DNER: variants seen among roughly 807,000 people sequenced by gnomAD.
DNER encodes the protein delta/notch like EGF repeat containing.
In DNER, 33 loss-of-function variants were observed where a neutral mutation model predicts 78.2. The observed-to-expected ratio is 0.42, with a 90% CI of 0.32 to 0.56. DNER has a LOEUF of 0.56. DNER is among the 20% of genes least tolerant of loss of function. The probability of loss-of-function intolerance (pLI) is 0.11; values close to 1 mark genes in which losing one functional copy is unlikely to be tolerated. For synonymous variants in DNER, 417 were observed against 384.8 expected (o/e 1.08, Z -0.98); for missense variants, 918 against 975.3 (o/e 0.94, Z 0.78).
rs115225861 is a variant in DNER at position 229,418,286 on chromosome 2, G to A, written c.1487-56C>T. The A allele has an allele frequency of 3.9e-3, 6,213 of 1,608,876 alleles. 21 individuals are homozygous for A. The highest frequency in any genetic ancestry group is 7.2e-3 in the African/African-American group (537 of 74,970). On this transcript the variant is annotated intron_variant, in intron 8 of 12. Coordinates refer to ENST00000341772, the MANE Select transcript of DNER (RefSeq NM_139072.4). The stretch of plus-strand genomic sequence containing the variant: ...AATGCATCCCATTTACAACCCACGC[G>A]GGACCAGCCTGCAAGGAAGGCAGTT...
intron 1 of DNER, among the ~76,000 whole-genome samples, chr2:229,698,564 A>G (rs1208918640): frequency 6.6e-6 from 1 of 152,190 alleles, no homozygotes; most frequent in African/African-American, 2.4e-5. Flanking sequence ...GATTTTTAAA[A>G]AGGTGTCAGC....
intron 10 of DNER, among the ~76,000 whole-genome samples, chr2:229,398,835 A>G (rs978262130): frequency 6.6e-6 from 1 of 152,108 alleles, no homozygotes; most frequent in African/African-American, 2.4e-5. Flanking sequence ...AAAGAAAAAA[A>G]TCACATGATC....
chr2:229,427,060 A>G (rs1386640816), intron 8 of DNER, among the ~76,000 whole-genome samples: 1 of 152,244 alleles, frequency 6.6e-6, no homozygotes, highest in Admixed American at 6.5e-5. Context: ...ATCAGTCAAT[A>G]TTTTCACTTG....
intron 1 of DNER, among the ~76,000 whole-genome samples, chr2:229,686,208 A>G (rs1279036290): frequency 6.6e-6 from 1 of 152,130 alleles, no homozygotes; most frequent in Admixed American, 6.6e-5. Context: ...TGCACTCCCC[A>G]CAGAATGGAG....
chr2:229,410,029 G>T (rs531925027), intron 9 of DNER, among the ~76,000 whole-genome samples: 3 of 152,054 alleles, frequency 2.0e-5, no homozygotes, highest in South Asian at 4.2e-4. Flanking sequence ...CCCTCTTCCT[G>T]CCCTCCTCAC....
chr2:229,673,327 C>T (rs757120356), intron 1 of DNER, among the ~76,000 whole-genome samples: 7 of 151,848 alleles, frequency 4.6e-5, no homozygotes, highest in Non-Finnish European at 1.0e-4. Context: ...TCCACTACAG[C>T]TCATCCTGAC....
chr2:229,584,072 T>G (rs1250965449), intron 4 of DNER, among the ~76,000 whole-genome samples: 26 of 152,320 alleles, frequency 1.7e-4, no homozygotes, highest in Non-Finnish European at 4.4e-5. Flanking sequence ...TCCCTTTATC[T>G]TCATTATGAT....
At chr2:229,366,813 C>G in intron 12 of DNER, 60 bp downstream of exon 12, 1 of 1,604,032 alleles carries the variant, frequency 6.2e-7, no homozygotes, top group Non-Finnish European at 8.5e-7. Flanking sequence ...TATAATATGA[C>G]CCTGTTCCCA....
intron 4 of DNER, among the ~76,000 whole-genome samples, chr2:229,577,139 G>A (rs1236520788): frequency 2.6e-5 from 4 of 152,176 alleles, no homozygotes; most frequent in Non-Finnish European, 5.9e-5. Flanking sequence ...TGCATTTAGA[G>A]GAGAATATTC....
At position 229,477,193 on chromosome 2, in the gene DNER, T is replaced by C. The variant is rs770389952; in HGVS notation, c.1208A>G (p.Asn403Ser). ...GAGACTGGAAATGCATGTTGCTCCA[T>C]TTCTGCATGGGTCTAGGATGCAGTA... is the stretch of plus-strand genomic sequence containing the variant. ...IDYCILDPCR[N>S]GATCISSLSG... Residue 403 changes from asparagine (N) to serine (S), a missense_variant, in exon 7 of 13, where the codon AAT (asparagine) becomes AGT (serine). Asn to Ser is a conservative substitution (Grantham distance 46, BLOSUM62 1). Transcript: ENST00000341772. The C allele has an allele frequency of 1.5e-5, 24 of 1,613,980 alleles. No individual in the cohort carries two copies. Among genetic ancestry groups the C allele is most frequent in the Non-Finnish European group, 3.4e-6 (4 of 1,179,976 alleles).
Position 229,631,184 on chromosome 2 carries a change from CCA to C in DNER, c.277-39298_277-39297del, listed in dbSNP as rs1698428283. Reference sequence around the variant, plus strand: ...GGGCTTGCTGAGTCAAATGGTAGTTCCACTTTTAGGGAAAGCACCTTATTTTA... The same window carrying C: ...GGGCTTGCTGAGTCAAATGGTAGTTCCTTTTAGGGAAAGCACCTTATTTTA... On this transcript the variant is annotated intron_variant, in intron 1 of 12. Coordinates refer to ENST00000341772, the MANE Select transcript of DNER (RefSeq NM_139072.4). Among the ~76,000 whole-genome samples, 3 of 152,102 alleles carry C rather than the reference CCA, an allele frequency of 2.0e-5. No individual in the cohort carries two copies. The South Asian group carries it at 6.2e-4, about 32-fold the overall frequency.
chr2:229,458,135 C>CA lies in DNER; in HGVS notation c.1262-10596dup, dbSNP rs61340733. Among the ~76,000 whole-genome samples the CA allele has an allele frequency of 7.2e-3, 128 of 17,704 alleles. 27 individuals carry two copies. Among genetic ancestry groups the CA allele is most frequent in the African/African-American group, 0.016 (75 of 4,662 alleles). 11.6% of individuals were successfully genotyped at this position (17,704 alleles called of 152,430 possible). ...TGGGTCACAGAGCAAGACTCTATCTCAAAAAAAAAAAAAAAAAAAAAAAAA... is the reference window on the plus strand; with the variant it reads ...TGGGTCACAGAGCAAGACTCTATCTCAAAAAAAAAAAAAAAAAAAAAAAAAA... On this transcript the variant is annotated intron_variant, in intron 7 of 12. Transcript: ENST00000341772.
At chr2:229,583,047 C>T (rs533115446) in intron 4 of DNER, among the ~76,000 whole-genome samples, 10 of 152,158 alleles carry the variant, frequency 6.6e-5, no homozygotes, top group South Asian at 6.2e-4. Context: ...AAAATATGTA[C>T]GAGTTCACAA....
At chr2:229,618,746 C>G (rs1698207245) in intron 1 of DNER, among the ~76,000 whole-genome samples, 1 of 152,298 alleles carries the variant, frequency 6.6e-6, no homozygotes, top group Admixed American at 6.5e-5. Flanking sequence ...TATGCCAATT[C>G]AGTAACTGTT....
chr2:229,589,635 T>C (rs1339926112), intron 2 of DNER, among the ~76,000 whole-genome samples: 1 of 152,240 alleles, frequency 6.6e-6, no homozygotes, highest in Non-Finnish European at 1.5e-5. Context: ...TTTTCTTTTT[T>C]ACACTTACCA....
At chr2:229,451,374 T>G (rs1251864227) in intron 7 of DNER, among the ~76,000 whole-genome samples, 1 of 152,166 alleles carries the variant, frequency 6.6e-6, no homozygotes, top group Non-Finnish European at 1.5e-5. Flanking sequence ...GGAGAATCGC[T>G]TGAACCCAGG....
chr2:229,559,694 T>C (rs1243699237), intron 4 of DNER, among the ~76,000 whole-genome samples: 1 of 152,184 alleles, frequency 6.6e-6, no homozygotes, highest in Non-Finnish European at 1.5e-5. Flanking sequence ...CTCACTTCTA[T>C]TTGCTACACA....
chr2:229,656,988 G>GTGTGTGTA (rs959099898), intron 1 of DNER, among the ~76,000 whole-genome samples: 5 of 142,622 alleles, frequency 3.5e-5, no homozygotes, highest in Non-Finnish European at 7.4e-5. Flanking sequence ...GTTACCACGT[G>GTGTGTGTA]TGTGTGTGTG....
intron 1 of DNER, among the ~76,000 whole-genome samples, chr2:229,669,501 G>A (rs995385558): frequency 1.3e-5 from 2 of 151,924 alleles, no homozygotes; most frequent in African/African-American, 2.4e-5. Context: ...AAGTTACTTT[G>A]GGCATACGGC....
Sources: allele counts gnomAD v4.1 joint callset (sites outside exome capture counted in the v4.1 genomes callset), GRCh38; gene constraint gnomAD v4.1.1; transcripts MANE v1.5; gene names NCBI Gene and HGNC (gene_info 2026-07-23, HGNC 2026-07-21).